Variants in POU6F2 observed in about 807,000 individuals in gnomAD.
POU6F2 encodes POU domain, class 6, transcription factor 2.
Under a neutral mutation model 71.3 loss-of-function variants are expected in POU6F2, and 31 were observed. That is an observed-to-expected ratio of 0.43 (90% CI 0.33 to 0.59). The LOEUF (loss-of-function observed/expected upper bound fraction) is 0.59. Ranked by LOEUF, POU6F2 falls within the 20% of genes least tolerant of loss-of-function variation. The probability of loss-of-function intolerance (pLI) is 0.04; values close to 1 mark genes in which losing one functional copy is unlikely to be tolerated. For synonymous variants in POU6F2, 347 were observed against 355.7 expected, an observed-to-expected ratio of 0.98 and a Z score of 0.27; for missense variants, 783 against 856.8, an observed-to-expected ratio of 0.91 and a Z score of 1.07.
chr7:39,122,615 A>G (rs747722123), intron 2 of POU6F2, among the ~76,000 whole-genome samples: 2 of 151,902 alleles, frequency 1.3e-5, no homozygotes, highest in Non-Finnish European at 2.9e-5. Flanking sequence ...TCTTTATTTT[A>G]GATTGACTGC....
intron 4 of POU6F2, among the ~76,000 whole-genome samples, chr7:39,277,899 A>C (rs1391000402): frequency 6.6e-6 from 1 of 152,082 alleles, no homozygotes; most frequent in Non-Finnish European, 1.5e-5. Flanking sequence ...TCTACTAAAA[A>C]TACAAAAATT....
intron 7 of POU6F2, among the ~76,000 whole-genome samples, chr7:39,439,184 G>GTT (rs61692037): frequency 0.012 from 1,839 of 148,382 alleles, 33 homozygotes; most frequent in East Asian, 0.064. Flanking sequence ...GCAACCCCTG[G>GTT]TTTTTTTTTT....
At chr7:39,064,056 A>G (rs1790709856) in intron 1 of POU6F2, among the ~76,000 whole-genome samples, 1 of 152,182 alleles carries the variant, frequency 6.6e-6, no homozygotes, top group Non-Finnish European at 1.5e-5. Flanking sequence ...GGAAAGGAAC[A>G]TCGTGAAGTA....
At chr7:38,978,187 A>T (rs1788228919) in intron 1 of POU6F2, 129 bp downstream of exon 1, 1 of 152,188 alleles carries the variant, frequency 6.6e-6, no homozygotes, top group Non-Finnish European at 1.5e-5. Flanking sequence ...TAGTGCTGAA[A>T]GTGCGAAAGG....
intron 6 of POU6F2, among the ~76,000 whole-genome samples, chr7:39,408,495 C>G (rs73386466): frequency 6.6e-5 from 10 of 152,186 alleles, no homozygotes; most frequent in Non-Finnish European, 1.2e-4. Flanking sequence ...ATAGCTTTCC[C>G]AGCCCATAAG....
rs73695233 is a variant in POU6F2 at position 39,265,447 on chromosome 7, T to C, written c.598+57827T>C. On this transcript the variant is annotated intron_variant, in intron 4 of 9. Transcript: ENST00000518318. The stretch of plus-strand genomic sequence containing the variant: ...TAACCCACATTATTATTACTTATGT[T>C]TGGCTCATTTGAAAGTATGTACTTT... Among the ~76,000 whole-genome samples, 479 of 152,316 alleles carry C rather than the reference T, an allele frequency of 3.1e-3. 2 individuals carry two copies. Among genetic ancestry groups the C allele is most frequent in the African/African-American group, 0.011 (467 of 41,566 alleles).
chr7:39,197,835 C>T (rs1454646190), intron 2 of POU6F2, among the ~76,000 whole-genome samples: 1 of 152,182 alleles, frequency 6.6e-6, no homozygotes, highest in African/African-American at 2.4e-5. Context: ...ACCTCAACAC[C>T]ACCATACACA....
In POU6F2 at chr7:39,451,717, G is replaced by T; in HGVS notation, c.1489+16G>T. ...TTAGTCAGCAGTAAGTATCCTTTCT[G>T]GCTCGGTTTAAATCGTGGTGGCCTT... is the stretch of plus-strand genomic sequence containing the variant. On this transcript the variant is annotated intron_variant, in intron 8 of 9. Transcript: ENST00000518318. The T allele has an allele frequency of 6.4e-7, 1 of 1,563,956 alleles. No individual in the cohort carries two copies. Among genetic ancestry groups the T allele is most frequent in the Non-Finnish European group, 8.7e-7 (1 of 1,152,992 alleles).
At chr7:39,095,558 T>C (rs912902154) in intron 2 of POU6F2, among the ~76,000 whole-genome samples, 2 of 152,196 alleles carry the variant, frequency 1.3e-5, no homozygotes, top group Non-Finnish European at 2.9e-5. Flanking sequence ...TTTATAATGA[T>C]ACAATAACCT....
intron 2 of POU6F2, among the ~76,000 whole-genome samples, chr7:39,153,819 A>G (rs899737600): frequency 6.6e-6 from 1 of 152,162 alleles, no homozygotes; most frequent in African/African-American, 2.4e-5. Context: ...TACCATGAGA[A>G]GCCTTGCGGG....
rs561972065 is a variant in POU6F2, at chr7:39,467,259, A to T, written c.*2573A>T. On this transcript the variant is annotated 3_prime_UTR_variant, in exon 10 of 10. Coordinates refer to ENST00000518318, the MANE Select transcript of POU6F2 (RefSeq NM_001370959.1). The stretch of plus-strand genomic sequence containing the variant: ...TCTTATATTAATTTTTTACAGATAA[A>T]TTTTTTGCTACAAGGCATAAAAAGG... 1 of 152,224 alleles carries T rather than the reference A, an allele frequency of 6.6e-6. No individual in the cohort carries two copies. Among genetic ancestry groups the T allele is most frequent in the African/African-American group, 2.4e-5 (1 of 41,544 alleles). 9.4% of individuals were successfully genotyped at this position (152,224 alleles called of 1,614,324 possible).
chr7:39,141,145 C>G (rs1792491411), intron 2 of POU6F2, among the ~76,000 whole-genome samples: 1 of 152,128 alleles, frequency 6.6e-6, no homozygotes, highest in Non-Finnish European at 1.5e-5. Flanking sequence ...GCAAGAGGTG[C>G]AACTGTTTTT....
rs999607581 is a variant in POU6F2, at chr7:39,200,974, C to G, written c.278-3261C>G. On this transcript the variant is annotated intron_variant, in intron 2 of 9. Coordinates refer to ENST00000518318, the MANE Select transcript of POU6F2 (RefSeq NM_001370959.1). ...CCCAGGAGATCAAGGTTGCAGTGAG[C>G]AATGGTCACACCACTGCACTCTCGC... Among the ~76,000 whole-genome samples the G allele has an allele frequency of 5.3e-5, 8 of 152,048 alleles. No individual in the cohort carries two copies. The East Asian group carries it at 1.5e-3, about 29-fold the overall frequency.
At chr7:39,118,544 C>G (rs1052542443) in intron 2 of POU6F2, among the ~76,000 whole-genome samples, 2 of 151,704 alleles carry the variant, frequency 1.3e-5, no homozygotes, top group Non-Finnish European at 2.9e-5. Flanking sequence ...ATTAAAAAAT[C>G]AACAGAAGGT....
intron 4 of POU6F2, among the ~76,000 whole-genome samples, chr7:39,275,228 A>C (rs1048038519): frequency 9.2e-5 from 14 of 152,140 alleles, no homozygotes; most frequent in Admixed American, 9.2e-4. Flanking sequence ...TCAATGTACA[A>C]AAATCACAAG....
rs143708657 is a variant in POU6F2, at chr7:39,215,175, T to C, written c.598+7555T>C. ...GCCTGGCCAACATGGCAAAACCCCATCTCTACTAAAAATACAAAATTTAGC... is the reference window on the plus strand; with the variant it reads ...GCCTGGCCAACATGGCAAAACCCCACCTCTACTAAAAATACAAAATTTAGC... On this transcript the variant is annotated intron_variant, in intron 4 of 9. Transcript: ENST00000518318. Among the ~76,000 whole-genome samples the C allele has an allele frequency of 4.3e-3, 656 of 152,056 alleles. 5 individuals are homozygous for C. The highest frequency in any genetic ancestry group is 0.015 in the African/African-American group (635 of 41,454).
chr7:39,085,110 C>T (rs911797358), intron 1 of POU6F2: 1 of 151,502 alleles, frequency 6.6e-6, no homozygotes, highest in Non-Finnish European at 1.5e-5. Flanking sequence ...TCTAGGTATC[C>T]GAATTATTGA....
At chr7:39,068,792 G>T (rs2392618) in intron 1 of POU6F2, among the ~76,000 whole-genome samples, 1 of 151,944 alleles carries the variant, frequency 6.6e-6, no homozygotes, top group Non-Finnish European at 1.5e-5. Context: ...TGGGAAACTT[G>T]ATAACTCTTC....
chr7:39,048,668 T>A (rs1790341707), intron 1 of POU6F2, among the ~76,000 whole-genome samples: 1 of 151,990 alleles, frequency 6.6e-6, no homozygotes, highest in South Asian at 2.1e-4. Context: ...GTCTTTTTGA[T>A]AGAAAAATTT....
Sources: gnomAD v4.1 joint callset for allele counts (sites outside exome capture counted in the v4.1 genomes callset) on GRCh38, gnomAD v4.1.1 for gene constraint, MANE v1.5 for transcripts, NCBI Gene and HGNC (gene_info 2026-07-23, HGNC 2026-07-21) for gene names.